GRIP2: variants seen among roughly 807,000 people sequenced by gnomAD.
GRIP2 encodes the protein glutamate receptor interacting protein 2.
In GRIP2, 58 loss-of-function variants were observed where a neutral mutation model predicts 108.3. That is an observed-to-expected ratio of 0.54 (90% confidence interval 0.43 to 0.67). The LOEUF is 0.67. Ranked by LOEUF, GRIP2 falls within the 30% of genes least tolerant of loss-of-function variation. The pLI is 0.00. For synonymous variants in GRIP2, 586 were observed against 598.2 expected (o/e 0.98, Z 0.30); for missense variants, 1,278 against 1,430.6 (o/e 0.89, Z 1.72).
the GRIP2 span, among the ~76,000 whole-genome samples, chr3:14,600,999 C>G: frequency 6.6e-6 from 1 of 151,900 alleles, no homozygotes; most frequent in Non-Finnish European, 1.5e-5. Context: ...TTGTACACAC[C>G]CACATGCATC....
rs1026703761 is a variant in GRIP2 at position 14,522,867 on chromosome 3, C to G, written c.566+133G>C. On this transcript the variant is annotated intron_variant, in intron 6 of 23. Transcript: ENST00000621039. The surrounding 1 kb of genome is among the most constrained non-coding windows in gnomAD (Gnocchi z 4.3). ...CCATCAACAACTCCCTGAATGACAC[C>G]GGGCAGGGAGTGTTCCCTCAGGGCC... 1.4e-6 allele frequency: 1 copy of G among 727,568 alleles called. No homozygotes were observed. 45.1% of individuals were successfully genotyped at this position (727,568 alleles called of 1,614,324 possible).
chr3:14,546,066 G>A (rs975756582), upstream of GRIP2, among the ~76,000 whole-genome samples: 5 of 152,158 alleles, frequency 3.3e-5, no homozygotes, highest in African/African-American at 9.7e-5. Flanking sequence ...GGCTCTCAGA[G>A]TAGGCGACCT....
intron 1 of GRIP2, among the ~76,000 whole-genome samples, chr3:14,552,247 T>C (rs902219548): frequency 1.1e-4 from 17 of 151,974 alleles, no homozygotes; most frequent in Non-Finnish European, 1.8e-4. Context: ...AGGAGCTGGA[T>C]GTGGTGGCGT....
At chr3:14,541,761 C>T (rs1423159099), upstream of GRIP2, 1 of 678,448 alleles carries the variant, frequency 1.5e-6, no homozygotes, top group Non-Finnish European at 2.3e-6. Context: ...GCAGTGATGC[C>T]AAGGTCTCAG....
intron 4 of GRIP2, 100 bp from the exon 5 acceptor site, chr3:14,523,798 A>G: frequency 1.3e-6 from 1 of 797,950 alleles, no homozygotes; most frequent in Non-Finnish European, 2.1e-6. Context: ...GATCAGTCAC[A>G]GAGATTACAG....
the GRIP2 span, chr3:14,573,656 A>G: frequency 6.7e-7 from 1 of 1,502,670 alleles, no homozygotes; most frequent in Non-Finnish European, 9.2e-7. Context: ...CCATGTGGGG[A>G]AGGTTGGTGT....
chr3:14,553,648 G>C (rs566752794), intron 1 of GRIP2, among the ~76,000 whole-genome samples: 2 of 152,142 alleles, frequency 1.3e-5, no homozygotes, highest in Non-Finnish European at 2.9e-5. Context: ...AAACCTGGGG[G>C]CCTTACCCAG....
In GRIP2 at chr3:14,512,682, CA is replaced by C. The variant is rs1291879135; in HGVS notation, c.1720+94del. The C allele has an allele frequency of 1.5e-5, 19 of 1,230,072 alleles. 1 individual carries two copies. Among genetic ancestry groups the C allele is most frequent in the Middle Eastern group, 2.7e-4 (1 of 3,734 alleles). The allele number at this position is 1,230,072 out of a possible 1,614,324, so 76.2% of individuals were successfully genotyped here. A position where few individuals can be genotyped will look rare whatever the true frequency, so the allele number is the denominator to read the frequency against. The stretch of plus-strand genomic sequence containing the variant: ...CTTTTCCTCGGGCCCCGCAGGGTGT[CA>C]CGCCATGGAAATGCTGGTCTGAGCT... On this transcript the variant is annotated intron_variant, in intron 14 of 23. Coordinates refer to ENST00000621039, the MANE Select transcript of GRIP2 (RefSeq NM_001080423.4). The surrounding 1 kb of genome is among the most constrained non-coding windows in gnomAD (Gnocchi z 5.1).
intron 21 of GRIP2, among the ~76,000 whole-genome samples, chr3:14,496,870 C>CT (rs555812595): frequency 1.4e-4 from 21 of 152,048 alleles, no homozygotes; most frequent in African/African-American, 2.4e-4. Flanking sequence ...GTAAATACCA[C>CT]TTTTTTCCAC....
rs1048516149 is a variant in GRIP2, at chr3:14,492,797, G to A, written c.*868C>T. ...TTGGGCTGAGCGGACGTGCAGATGGGTCAGTGGCCACACGGCCTACAGAAG... is the reference window on the plus strand; with the variant it reads ...TTGGGCTGAGCGGACGTGCAGATGGATCAGTGGCCACACGGCCTACAGAAG... On this transcript the variant is annotated 3_prime_UTR_variant, in exon 24 of 24. Coordinates refer to ENST00000621039, the MANE Select transcript of GRIP2 (RefSeq NM_001080423.4). 6.6e-6 allele frequency: 1 copy of A among 152,276 alleles called. No individual in the cohort carries two copies. The highest frequency in any genetic ancestry group is 6.5e-5 in the Admixed American group (1 of 15,290). 9.4% of individuals were successfully genotyped at this position (152,276 alleles called of 1,614,324 possible).
chr3:14,564,589 C>A, the GRIP2 span, among the ~76,000 whole-genome samples: 2 of 152,236 alleles, frequency 1.3e-5, no homozygotes, highest in Non-Finnish European at 2.9e-5. Flanking sequence ...GAAAATGACA[C>A]AAGTCTGGGG....
chr3:14,516,667 C>A (rs1694257375), intron 11 of GRIP2, among the ~76,000 whole-genome samples: 1 of 152,128 alleles, frequency 6.6e-6, no homozygotes, highest in Non-Finnish European at 1.5e-5. Flanking sequence ...TAACAAATGG[C>A]AGAGAGGTGG....
chr3:14,525,596 C>T (rs748302855), intron 2 of GRIP2, 24 bp from the exon 3 acceptor site: 2 of 1,613,252 alleles, frequency 1.2e-6, no homozygotes, highest in Non-Finnish European at 1.7e-6. Flanking sequence ...GGGATGGGGG[C>T]TTGAGCGGGC....
the GRIP2 span, among the ~76,000 whole-genome samples, chr3:14,596,703 C>T: frequency 2.0e-5 from 3 of 152,042 alleles, no homozygotes; most frequent in African/African-American, 4.8e-5. Context: ...ACTCATAGGA[C>T]CAAAGGACTG....
chr3:14,587,656 C>A, the GRIP2 span, among the ~76,000 whole-genome samples: 169 of 135,530 alleles, frequency 1.2e-3, no homozygotes, highest in African/African-American at 3.8e-3. Context: ...AAAAAAAAAA[C>A]AAAACAAAAA....
upstream of GRIP2, among the ~76,000 whole-genome samples, chr3:14,559,778 G>C (rs142696917): frequency 1.1e-3 from 162 of 152,288 alleles, no homozygotes; most frequent in African/African-American, 3.7e-3. Flanking sequence ...AAAAACTCCT[G>C]GCAGAGACAG....
the GRIP2 span, among the ~76,000 whole-genome samples, chr3:14,564,893 T>C: frequency 6.6e-6 from 1 of 152,202 alleles, no homozygotes; most frequent in East Asian, 1.9e-4. Flanking sequence ...TGGCCAGGCC[T>C]ACCCTGGGAC....
At chr3:14,528,087 C>T (rs1694612607) in intron 1 of GRIP2, among the ~76,000 whole-genome samples, 1 of 152,160 alleles carries the variant, frequency 6.6e-6, no homozygotes, top group East Asian at 1.9e-4. Flanking sequence ...CCTCTGTTCC[C>T]CACAAGCACT....
intron 1 of GRIP2, chr3:14,531,194 T>G (rs1694702648): frequency 6.6e-6 from 1 of 152,224 alleles, no homozygotes; most frequent in Non-Finnish European, 1.5e-5. Context: ...ACAGTTTTAT[T>G]TCTTACTTTC....
Sources: gnomAD v4.1 joint callset for allele counts (sites outside exome capture counted in the v4.1 genomes callset) on GRCh38, gnomAD v4.1.1 for gene constraint, Gnocchi (gnomAD v3.1) non-coding constraint, MANE v1.5 for transcripts, NCBI Gene and HGNC (gene_info 2026-07-23, HGNC 2026-07-21) for gene names.